BCKDHB: variants seen among roughly 807,000 people sequenced by gnomAD.
The protein encoded by BCKDHB is branched chain keto acid dehydrogenase E1 subunit beta.
In BCKDHB, 41 loss-of-function variants were observed where a neutral mutation model predicts 48.5. The observed-to-expected ratio is 0.85, with a 90% CI of 0.66 to 1.10. The LOEUF (loss-of-function observed/expected upper bound fraction) is 1.10, where lower values mean the gene tolerates loss of function less well. Among genes scored for constraint, BCKDHB ranks in the 50% least tolerant of loss-of-function variants. The pLI, the probability that BCKDHB is intolerant of heterozygous loss-of-function variation, is 0.00. For missense variants in BCKDHB, 496 were observed against 494.2 expected, an observed-to-expected ratio of 1.00 and a Z score of -0.03; for synonymous variants, 201 against 174.8, an observed-to-expected ratio of 1.15 and a Z score of -1.18.
At chr6:80,113,454 T>C (rs1769520182) in intron 1 of BCKDHB, among the ~76,000 whole-genome samples, 1 of 152,228 alleles carries the variant, frequency 6.6e-6, no homozygotes, top group African/African-American at 2.4e-5. Context: ...TAGAAAACTC[T>C]TGGTTTCACT....
chr6:80,200,162 G>A (rs1182799639), intron 6 of BCKDHB, among the ~76,000 whole-genome samples: 1 of 151,116 alleles, frequency 6.6e-6, no homozygotes, highest in African/African-American at 2.4e-5. Context: ...TTGAAATTCA[G>A]TTTATAATTT....
intron 3 of BCKDHB, among the ~76,000 whole-genome samples, chr6:80,164,937 C>G (rs531728940): frequency 6.6e-6 from 1 of 152,140 alleles, no homozygotes; most frequent in Admixed American, 6.5e-5. Flanking sequence ...AAATAGAAAC[C>G]GATTTTTAAC....
At chr6:80,140,693 G>A (rs180909942) in intron 3 of BCKDHB, among the ~76,000 whole-genome samples, 2,833 of 152,116 alleles carry the variant, frequency 0.019, 80 homozygotes, top group African/African-American at 0.065. Context: ...ATGTGCTGCT[G>A]GATTCGGTTT....
At chr6:80,341,078 G>GT (rs1723767651) in intron 9 of BCKDHB, among the ~76,000 whole-genome samples, 1 of 152,130 alleles carries the variant, frequency 6.6e-6, no homozygotes, top group African/African-American at 2.4e-5. Flanking sequence ...AGCTGTTTCA[G>GT]TCAGTTAGCA....
At chr6:80,376,325 C>T in the BCKDHB span, among the ~76,000 whole-genome samples, 1 of 152,104 alleles carries the variant, frequency 6.6e-6, no homozygotes, top group African/African-American at 2.4e-5. Context: ...AGCTCCCACA[C>T]AGCCCATACC....
In BCKDHB at chr6:80,149,229, T is replaced by G. The variant is rs564404078; in HGVS notation, c.344-18449T>G. Among the ~76,000 whole-genome samples the G allele has an allele frequency of 5.3e-5, 8 of 152,242 alleles. No individual in the cohort carries two copies. In the South Asian group the frequency reaches 1.7e-3, roughly 32 times the overall value. On this transcript the variant is annotated intron_variant, in intron 3 of 9. Coordinates refer to ENST00000320393, the MANE Select transcript of BCKDHB (RefSeq NM_183050.4). ...AAAACACATGAAAGAATGCTCACCA[T>G]CACTGGCCATCAGAGGAATGCAAAT...
chr6:80,408,820 C>G, the BCKDHB span, among the ~76,000 whole-genome samples: 1 of 143,164 alleles, frequency 7.0e-6, no homozygotes, highest in African/African-American at 2.6e-5. Flanking sequence ...AAAAACCAAA[C>G]AGCTCCTGGA....
At chr6:80,139,293 A>G (rs1771061570) in intron 3 of BCKDHB, among the ~76,000 whole-genome samples, 1 of 151,782 alleles carries the variant, frequency 6.6e-6, no homozygotes. Flanking sequence ...GCTGTGCAGA[A>G]GCTCTTTAGT....
chr6:80,252,667 T>A (rs189390868), intron 8 of BCKDHB, among the ~76,000 whole-genome samples: 34 of 152,314 alleles, frequency 2.2e-4, no homozygotes, highest in Admixed American at 2.2e-3. Context: ...GAAAGGATAA[T>A]GTTTAAAATA....
chr6:80,420,589 G>A, the BCKDHB span, among the ~76,000 whole-genome samples: 1 of 152,300 alleles, frequency 6.6e-6, no homozygotes, highest in East Asian at 1.9e-4. Flanking sequence ...GAACTCATGT[G>A]TGTTGTGTGT....
At chr6:80,380,540 A>G in the BCKDHB span, among the ~76,000 whole-genome samples, 1 of 151,848 alleles carries the variant, frequency 6.6e-6, no homozygotes, top group Non-Finnish European at 1.5e-5. Flanking sequence ...AGAATTTATG[A>G]TGAAACCCAA....
chr6:80,426,453 A>C, the BCKDHB span, among the ~76,000 whole-genome samples: 6 of 152,168 alleles, frequency 3.9e-5, no homozygotes, highest in African/African-American at 7.2e-5. Context: ...TAATATAATC[A>C]TACAATGCTA....
At chr6:80,183,601 T>C (rs1441439600) in intron 6 of BCKDHB, among the ~76,000 whole-genome samples, 1 of 152,184 alleles carries the variant, frequency 6.6e-6, no homozygotes, top group Non-Finnish European at 1.5e-5. Flanking sequence ...TAACACATTG[T>C]CATCACTCAA....
intron 2 of BCKDHB, among the ~76,000 whole-genome samples, chr6:80,128,248 A>G (rs886931923): frequency 1.3e-5 from 2 of 151,962 alleles, no homozygotes; most frequent in South Asian, 4.1e-4. Flanking sequence ...CTTCCACCTG[A>G]TAATCTGTAG....
downstream of BCKDHB, among the ~76,000 whole-genome samples, chr6:80,349,553 A>T (rs2128024505): frequency 6.6e-6 from 1 of 152,356 alleles, no homozygotes; most frequent in South Asian, 2.1e-4. Context: ...TCCAATTAAA[A>T]GCTGTTCACC....
At chr6:80,396,922 C>T in the BCKDHB span, among the ~76,000 whole-genome samples, 4 of 152,140 alleles carry the variant, frequency 2.6e-5, no homozygotes, top group Non-Finnish European at 5.9e-5. Flanking sequence ...GATTAATACA[C>T]TGCCTATGAT....
At position 80,323,398 on chromosome 6, in the gene BCKDHB, G is replaced by A. The variant is rs773399995; in HGVS notation, c.1039-20266G>A. ...TAACTGCACAGAAAAGTGATAAATTGTGAGCTTATATTTTCTTTTAATACA... is the reference window on the plus strand; with the variant it reads ...TAACTGCACAGAAAAGTGATAAATTATGAGCTTATATTTTCTTTTAATACA... On this transcript the variant is annotated intron_variant, in intron 9 of 9. Coordinates refer to ENST00000320393, the MANE Select transcript of BCKDHB (RefSeq NM_183050.4). 5.3e-5 allele frequency among the ~76,000 whole-genome samples: 8 copies of A among 152,180 alleles called. 1 individual carries two copies. The South Asian group carries it at 1.5e-3, about 28-fold the overall frequency.
chr6:80,129,871 T>C (rs1028948531), intron 3 of BCKDHB, among the ~76,000 whole-genome samples: 8 of 152,300 alleles, frequency 5.3e-5, no homozygotes, highest in Admixed American at 5.2e-4. Context: ...ATCTACTGAT[T>C]TAAACGCTAA....
chr6:80,128,958 A>C (rs1359090678), intron 2 of BCKDHB, among the ~76,000 whole-genome samples: 5 of 152,064 alleles, frequency 3.3e-5, no homozygotes, highest in Admixed American at 6.6e-5. Flanking sequence ...ATGTATCTAC[A>C]GTGCACAGGA....
Sources: gnomAD v4.1 joint callset for allele counts (sites outside exome capture counted in the v4.1 genomes callset) on GRCh38, gnomAD v4.1.1 for gene constraint, MANE v1.5 for transcripts, NCBI Gene and HGNC (gene_info 2026-07-23, HGNC 2026-07-21) for gene names.